Variants in DUOX2 observed in about 807,000 individuals in gnomAD.
The protein encoded by DUOX2 is NADH/NADPH thyroid oxidase p138-tox.
A neutral mutation model predicts 183.3 loss-of-function variants in DUOX2; 185 were observed. The observed-to-expected ratio is 1.01, with a 90% CI of 0.90 to 1.14. The LOEUF (loss-of-function observed/expected upper bound fraction) is 1.14, where lower values mean the gene tolerates loss of function less well. Among genes scored for constraint, DUOX2 ranks in the 50% most tolerant of loss-of-function variants. The pLI is 0.00. For missense variants in DUOX2, 1,999 were observed against 2,022.9 expected (o/e 0.99, Z 0.23); for synonymous variants, 788 against 812.4 (o/e 0.97, Z 0.51).
chr15:45,110,739 C>A, intron 7 of DUOX2, 29 bp from the exon 8 acceptor site: 5 of 1,611,932 alleles, frequency 3.1e-6, no homozygotes, highest in Non-Finnish European at 4.2e-6. Context: ...CGAGGGGAGG[C>A]ACAAGTTGGA....
intron 22 of DUOX2, 119 bp downstream of exon 22, chr15:45,101,086 G>T: frequency 1.1e-6 from 1 of 916,282 alleles, no homozygotes; most frequent in Admixed American, 2.0e-5. Context: ...GCTACCATGA[G>T]CTACTTTCAA....
chr15:45,100,465 C>T (rs1894051035), intron 23 of DUOX2: 1 of 609,024 alleles, frequency 1.6e-6, no homozygotes, highest in Non-Finnish European at 2.9e-6. Context: ...TTTTATCCTT[C>T]TTTCTTCCTG....
In DUOX2 at chr15:45,097,286, G is replaced by T. The variant is rs752437461; in HGVS notation, c.3799C>A (p.Arg1267=). ...YGGDKLVSLS[R]KKVEISVVKA... ...ACCACGCTGATCTCCACCTTCTTCC[G>T]GCTCAGGCTCACCAGCTTGTCACCT... The change falls in exon 29 of 34, where the codon CGG becomes AGG. Residue 1267 remains arginine, a synonymous_variant. Transcript: ENST00000389039. The T allele has an allele frequency of 1.2e-6, 2 of 1,614,130 alleles. No individual in the cohort carries two copies. The highest frequency in any genetic ancestry group is 1.7e-6 in the Non-Finnish European group (2 of 1,180,064).
intron 12 of DUOX2, 58 bp from the exon 13 acceptor site, chr15:45,108,280 G>T: frequency 6.3e-7 from 1 of 1,597,298 alleles, no homozygotes; most frequent in East Asian, 2.2e-5. Context: ...GGCAGCCACT[G>T]TTGCCCCATC....
intron 12 of DUOX2, 35 bp from the exon 13 acceptor site, chr15:45,108,257 G>C (rs1467656530): frequency 1.2e-6 from 2 of 1,611,842 alleles, no homozygotes; most frequent in Non-Finnish European, 1.7e-6. Flanking sequence ...GTGAGCGTAT[G>C]TTTGCTGCGG....
intron 13 of DUOX2, 111 bp downstream of exon 13, chr15:45,107,936 G>T: frequency 8.3e-7 from 1 of 1,200,838 alleles, no homozygotes. Context: ...TGGGAAGGGT[G>T]TGGTGGGCTG....
At chr15:45,097,915 C>A in intron 27 of DUOX2, 94 bp downstream of exon 27, 1 of 1,540,326 alleles carries the variant, frequency 6.5e-7, no homozygotes, top group South Asian at 1.1e-5. Flanking sequence ...TAGAAACAGA[C>A]CCCATGGCCA....
rs760732287 is a variant in DUOX2, at chr15:45,111,902, C to T, written c.379G>A (p.Glu127Lys). Residue 127 changes from glutamate (E) to lysine (K), a missense_variant, in exon 5 of 34, where the codon GAG becomes AAG. Glu to Lys is a moderately conservative substitution (Grantham distance 56). Transcript: ENST00000389039. ...GGTGGGATGCGGATGTTGAGGAACT[C>T]GGCGGGGCAACCGGGCGTTTCCACG... ...VSVETPGCPA[E>K]FLNIRIPPGD... is the part of the protein sequence containing the mutation. 1.2e-6 allele frequency: 2 copies of T among 1,613,796 alleles called. No homozygotes were observed. The highest frequency in any genetic ancestry group is 4.5e-5 in the East Asian group (2 of 44,874).
At position 45,093,742 on chromosome 15, in the gene DUOX2, T is replaced by C. The variant is rs377582686; in HGVS notation, c.*408A>G. 1.6e-5 allele frequency: 4 copies of C among 246,538 alleles called. No individual in the cohort carries two copies. In the East Asian group the frequency reaches 2.7e-4, roughly 17 times the overall value. The allele number at this position is 246,538 out of a possible 1,614,324, so 15.3% of individuals were successfully genotyped here. A position where few individuals can be genotyped will look rare whatever the true frequency, so the allele number is the denominator to read the frequency against. The stretch of plus-strand genomic sequence containing the variant: ...TCGGAGACAAGCACTATTGTACCTT[T>C]TCACCTCCACACTTGTCACAAGCAG... On this transcript the variant is annotated 3_prime_UTR_variant, in exon 34 of 34. Coordinates refer to ENST00000389039, the MANE Select transcript of DUOX2 (RefSeq NM_001363711.2).
At chr15:45,094,907 G>A (rs1189414653) in intron 32 of DUOX2, 29 bp downstream of exon 32, 4 of 1,612,754 alleles carry the variant, frequency 2.5e-6, no homozygotes, top group Non-Finnish European at 2.5e-6. Flanking sequence ...TGCCCGCCAA[G>A]TTGCCCTGCC....
chr15:45,100,138 C>T lies in DUOX2; in HGVS notation c.3096G>A (p.Lys1032=), dbSNP rs1446478334. 2 of 1,614,234 alleles carry T rather than the reference C, an allele frequency of 1.2e-6. No individual in the cohort carries two copies. The highest frequency in any genetic ancestry group is 1.7e-6 in the Non-Finnish European group (2 of 1,180,038). The part of the protein sequence containing the change: ...GFLAQKLQQY[K]RFVENYRRHI... The stretch of plus-strand genomic sequence containing the variant: ...GCCTCCGGTAGTTCTCCACGAAGCG[C>T]TTGTACTGCTGCAGCTTTTGGGCTA... The change falls in exon 24 of 34, where the codon AAG becomes AAA. Residue 1032 remains lysine, a synonymous_variant. Transcript: ENST00000389039.
rs1444992172 is a variant in DUOX2 at position 45,111,204 on chromosome 15, G to A, written c.789C>T (p.Asn263=). 2.4e-6 allele frequency: 3 copies of A among 1,270,990 alleles called. No homozygotes were observed. The Admixed American group carries it at 6.5e-5, about 28-fold the overall frequency. The allele number at this position is 1,270,990 out of a possible 1,614,324, so 78.7% of individuals were successfully genotyped here. A position where few individuals can be genotyped will look rare whatever the true frequency, so the allele number is the denominator to read the frequency against. Residue 263 remains asparagine, a synonymous_variant, in exon 7 of 34, where the codon AAC becomes AAT. Transcript: ENST00000389039. ...ALGLLWFRYH[N]LWAQRLARQH... is the part of the protein sequence containing the mutation. ...GGCGGGCCAGCCTCTGCGCCCACAGGTTGTGGTAGCGGAACCAGAGCAGGC... is the reference window on the plus strand; with the variant it reads ...GGCGGGCCAGCCTCTGCGCCCACAGATTGTGGTAGCGGAACCAGAGCAGGC...
intron 20 of DUOX2, among the ~76,000 whole-genome samples, chr15:45,102,763 CCT>C (rs564544328): frequency 3.3e-5 from 5 of 152,210 alleles, no homozygotes; most frequent in Non-Finnish European, 7.3e-5. Flanking sequence ...GGGCTGATCC[CCT>C]GAGGTCAGGA....
Position 45,108,042 on chromosome 15 carries a change from C to T in DUOX2, c.1574+5G>A. The stretch of plus-strand genomic sequence containing the variant: ...GTCTGAGGTGGGGGCCCAGGCAAGC[C>T]TTACCCATTCCTGGTGTTCTCAAAC... On this transcript the variant is annotated splice_donor_5th_base_variant and intron_variant, in intron 13 of 33. Coordinates refer to ENST00000389039, the MANE Select transcript of DUOX2 (RefSeq NM_001363711.2). 6.2e-7 allele frequency: 1 copy of T among 1,613,886 alleles called. No individual in the cohort carries two copies.
intron 8 of DUOX2, 21 bp downstream of exon 8, chr15:45,110,629 C>G (rs760208130): frequency 3.7e-6 from 6 of 1,613,394 alleles, no homozygotes; most frequent in Non-Finnish European, 4.2e-6. Context: ...GCACAGGTGT[C>G]CTCCTTCCCC....
At position 45,099,892 on chromosome 15, in the gene DUOX2, T is replaced by C. The variant is rs771929659; in HGVS notation, c.3185A>G (p.Tyr1062Cys). Residue 1062 changes from tyrosine (Y) to cysteine (C), a missense_variant and splice_region_variant, in exon 25 of 34, where the codon TAC becomes TGC. Around this residue, in one of 3 missense-constraint regions of DUOX2, gnomAD observed 1,628 missense variants for 1,608.6 expected, o/e 1.01. Transcript: ENST00000389039. ...CVGVFADRAY[Y>C]YGFASPPSDI... is the part of the protein sequence containing the mutation. ...CGAGGGTGGCGAGGCAAAGCCATAG[T>C]CTGGGGCCGGAGTGAGGTTACATCA... 1.9e-6 allele frequency: 3 copies of C among 1,613,972 alleles called. No individual in the cohort carries two copies. The African/African-American group carries it at 4.0e-5, about 22-fold the overall frequency.
chr15:45,107,864 A>C (rs1595526135), intron 13 of DUOX2, among the ~76,000 whole-genome samples, 183 bp downstream of exon 13: 1 of 78,530 alleles, frequency 1.3e-5, no homozygotes, highest in African/African-American at 5.4e-5. Flanking sequence ...AAAAAAAAAA[A>C]AAAAAAAAGA....
intron 26 of DUOX2, among the ~76,000 whole-genome samples, chr15:45,098,409 G>A (rs1007768779): frequency 3.3e-5 from 5 of 152,170 alleles, no homozygotes; most frequent in South Asian, 4.1e-4. Flanking sequence ...AGCAAATCTC[G>A]GTAAGTAGTT....
chr15:45,094,735 G>A, intron 32 of DUOX2, 44 bp from the exon 33 acceptor site: 3 of 1,611,568 alleles, frequency 1.9e-6, no homozygotes, highest in South Asian at 1.1e-5. Flanking sequence ...GTCAGGGCCA[G>A]CACTCAGCCC....
Sources: gnomAD v4.1 joint callset for allele counts (sites outside exome capture counted in the v4.1 genomes callset) on GRCh38, gnomAD v4.1.1 for gene constraint, gnomAD v4.1.1 regional missense constraint, MANE v1.5 for transcripts, NCBI Gene and HGNC (gene_info 2026-07-23, HGNC 2026-07-21) for gene names.